Variants in KCNK3 observed in about 807,000 individuals in gnomAD.
KCNK3 encodes the protein potassium two pore domain channel subfamily K member 3.
Under a neutral mutation model 27.3 loss-of-function variants are expected in KCNK3, and 9 were observed. The ratio of observed to expected loss-of-function variants is 0.33; its 90% CI spans 0.20 to 0.57. The LOEUF (loss-of-function observed/expected upper bound fraction) is 0.57, where lower values mean the gene tolerates loss of function less well. KCNK3 is among the 20% of genes least tolerant of loss of function. The pLI is 0.87. For missense variants in KCNK3, 391 were observed against 577.7 expected, an observed-to-expected ratio of 0.68 and a Z score of 3.31; for synonymous variants, 278 against 273.8, an observed-to-expected ratio of 1.02 and a Z score of -0.15.
chr2:26,727,002 G>A (rs1179288594), intron 1 of KCNK3, among the ~76,000 whole-genome samples: 2 of 152,222 alleles, frequency 1.3e-5, no homozygotes, highest in African/African-American at 4.8e-5. Flanking sequence ...GGGGCAGGCA[G>A]TCTCCTTTCT....
At position 26,693,343 on chromosome 2, in the gene KCNK3, C is replaced by A. The variant is rs1670194586; in HGVS notation, c.283+185C>A. Among the ~76,000 whole-genome samples the A allele has an allele frequency of 6.6e-6, 1 of 152,214 alleles. No individual in the cohort carries two copies. The highest frequency in any genetic ancestry group is 2.4e-5 in the African/African-American group (1 of 41,470). ...TCCGCGGGGACGGAACTCGGGGAGG[C>A]GTCGATTCCTGGCTCCGGACCTGAC... On this transcript the variant is annotated intron_variant, in intron 1 of 1. Coordinates refer to ENST00000302909, the MANE Select transcript of KCNK3 (RefSeq NM_002246.3). This position sits in a 1 kb window ranked among gnomAD's most constrained non-coding sequence, Gnocchi z 5.5.
intron 1 of KCNK3, among the ~76,000 whole-genome samples, chr2:26,705,404 A>G (rs1670360119): frequency 6.6e-6 from 1 of 152,160 alleles, no homozygotes; most frequent in South Asian, 2.1e-4. Context: ...TGAGCCTCAT[A>G]TCAACCCCAA....
intron 1 of KCNK3, among the ~76,000 whole-genome samples, chr2:26,702,286 G>A (rs1445699692): frequency 2.0e-5 from 3 of 152,168 alleles, no homozygotes; most frequent in Admixed American, 1.3e-4. Context: ...GCTACAGTGT[G>A]GAATGCAGAT....
rs1399540941 is a variant in KCNK3, at chr2:26,733,136, T to C, written c.*4568T>C. On this transcript the variant is annotated 3_prime_UTR_variant, in exon 2 of 2. Transcript: ENST00000302909. ...AGATATATGTACAGCAAAACAAAAA[T>C]AGAAAACCAGCACAGCAGAGTGGAG... The C allele has an allele frequency of 6.6e-6, 1 of 151,960 alleles. No homozygotes were observed. Among genetic ancestry groups the C allele is most frequent in the Non-Finnish European group, 1.5e-5 (1 of 67,998 alleles). 9.4% of individuals were successfully genotyped at this position (151,960 alleles called of 1,614,324 possible).
chr2:26,724,019 G>T (rs1663368467), intron 1 of KCNK3, among the ~76,000 whole-genome samples: 1 of 152,224 alleles, frequency 6.6e-6, no homozygotes, highest in South Asian at 2.1e-4. Flanking sequence ...ATAAAGCCAA[G>T]CGCGACATGG....
chr2:26,692,841 G>A lies in KCNK3; in HGVS notation c.-35G>A, dbSNP rs1670186529. 1 of 1,170,122 alleles carries A rather than the reference G, an allele frequency of 8.5e-7. No homozygotes were observed. The highest frequency in any genetic ancestry group is 1.6e-5 in the African/African-American group (1 of 61,800). The allele number at this position is 1,170,122 out of a possible 1,614,324, so 72.5% of individuals were successfully genotyped here. Reference sequence around the variant, plus strand: ...GGCCGGGGCCGAGGCGCGGGCCGGGGGCGCCGGGGGGCCGGCGGCGGCCCG... The same window carrying A: ...GGCCGGGGCCGAGGCGCGGGCCGGGAGCGCCGGGGGGCCGGCGGCGGCCCG... On this transcript the variant is annotated 5_prime_UTR_variant, in exon 1 of 2. Coordinates refer to ENST00000302909, the MANE Select transcript of KCNK3 (RefSeq NM_002246.3). The surrounding 1 kb of genome is among the most constrained non-coding windows in gnomAD (Gnocchi z 5.6).
chr2:26,728,037 G>T lies in KCNK3; in HGVS notation c.654G>T (p.Pro218=), dbSNP rs34292597. The change falls in exon 2 of 2, where the codon CCG becomes CCT. Residue 218 remains proline, a synonymous_variant. Transcript: ENST00000302909. The part of the protein sequence containing the change: ...LQKDQALQTQ[P]QYVAFSFVYI... The stretch of plus-strand genomic sequence containing the variant: ...AGGACCAGGCCCTGCAGACGCAGCC[G>T]CAGTACGTGGCCTTCAGCTTCGTCT... The T allele has an allele frequency of 2.9e-3, 4,710 of 1,614,172 alleles. 132 individuals carry two copies. The African/African-American group carries it at 0.056, about 19-fold the overall frequency.
chr2:26,710,641 C>T (rs1485981375), intron 1 of KCNK3, among the ~76,000 whole-genome samples: 2 of 152,154 alleles, frequency 1.3e-5, no homozygotes, highest in African/African-American at 4.8e-5. Context: ...CCCTTCCCTA[C>T]CCTGGTCTCT....
In KCNK3 at chr2:26,707,866, C is replaced by G. The variant is rs1353601418; in HGVS notation, c.283+14708C>G. Reference sequence around the variant, plus strand: ...TGGGCAGTGGCGTGCCTCCACTACACAGCAGTCCAGTGACAAAGCAGTCCT... The same window carrying G: ...TGGGCAGTGGCGTGCCTCCACTACAGAGCAGTCCAGTGACAAAGCAGTCCT... On this transcript the variant is annotated intron_variant, in intron 1 of 1. Coordinates refer to ENST00000302909, the MANE Select transcript of KCNK3 (RefSeq NM_002246.3). Among the ~76,000 whole-genome samples the G allele has an allele frequency of 3.3e-5, 5 of 152,174 alleles. No homozygotes were observed. In the East Asian group the frequency reaches 9.6e-4, roughly 29 times the overall value.
intron 1 of KCNK3, among the ~76,000 whole-genome samples, chr2:26,697,740 C>G (rs1181614209): frequency 6.6e-6 from 1 of 152,100 alleles, no homozygotes; most frequent in Non-Finnish European, 1.5e-5. Flanking sequence ...GTGATTGATT[C>G]GCTGATGGGG....
chr2:26,694,886 G>C (rs1670215984), intron 1 of KCNK3, among the ~76,000 whole-genome samples: 1 of 151,910 alleles, frequency 6.6e-6, no homozygotes, highest in Admixed American at 6.6e-5. Flanking sequence ...CAGGCCCATG[G>C]TCCCCAGCTT....
At chr2:26,700,810 CTCTG>C (rs1003800854) in intron 1 of KCNK3, among the ~76,000 whole-genome samples, 91 of 152,228 alleles carry the variant, frequency 6.0e-4, no homozygotes, top group African/African-American at 2.1e-3. Context: ...CTCTCTCTCA[CTCTG>C]TCTGTCTCTT....
chr2:26,708,201 A>C (rs1271109911), intron 1 of KCNK3, among the ~76,000 whole-genome samples: 1 of 152,206 alleles, frequency 6.6e-6, no homozygotes, highest in African/African-American at 2.4e-5. Flanking sequence ...TAGAAGGCAG[A>C]GGTGGGAGAA....
chr2:26,713,703 GGTT>G (rs1272907240), intron 1 of KCNK3, among the ~76,000 whole-genome samples: 1 of 151,882 alleles, frequency 6.6e-6, no homozygotes, highest in Non-Finnish European at 1.5e-5. Flanking sequence ...AGGAGGCAGA[GGTT>G]GTAGTGAGCT....
intron 1 of KCNK3, among the ~76,000 whole-genome samples, chr2:26,718,959 T>C (rs997362699): frequency 2.0e-5 from 3 of 152,226 alleles, no homozygotes; most frequent in Non-Finnish European, 4.4e-5. Flanking sequence ...TAGAAAGCGT[T>C]GTCTCCTACT....
chr2:26,695,675 C>G (rs1026311716), intron 1 of KCNK3, among the ~76,000 whole-genome samples: 3 of 152,162 alleles, frequency 2.0e-5, no homozygotes, highest in African/African-American at 4.8e-5. Context: ...ACACAGAATG[C>G]TATTGATGGG....
In KCNK3 at chr2:26,693,886, T is replaced by A. The variant is rs1231382933; in HGVS notation, c.283+728T>A. Among the ~76,000 whole-genome samples, 1 of 151,936 alleles carries A rather than the reference T, an allele frequency of 6.6e-6. No individual in the cohort carries two copies. The highest frequency in any genetic ancestry group is 1.5e-5 in the Non-Finnish European group (1 of 67,970). On this transcript the variant is annotated intron_variant, in intron 1 of 1. Transcript: ENST00000302909. The surrounding 1 kb of genome is among the most constrained non-coding windows in gnomAD (Gnocchi z 5.5). ...TAGGAGGCCACACGTACACCCAGACTGTCAGACAACACAGGCATAGGCACA... is the reference window on the plus strand; with the variant it reads ...TAGGAGGCCACACGTACACCCAGACAGTCAGACAACACAGGCATAGGCACA...
Position 26,729,089 on chromosome 2 carries a change from T to G in KCNK3, c.*521T>G, listed in dbSNP as rs1663488425. ...CTCCCAACCTCCCTTCGTGTTGTTTTGCATGGCTTTGCAGTTATGGAGAAA... is the reference window on the plus strand; with the variant it reads ...CTCCCAACCTCCCTTCGTGTTGTTTGGCATGGCTTTGCAGTTATGGAGAAA... On this transcript the variant is annotated 3_prime_UTR_variant, in exon 2 of 2. Transcript: ENST00000302909. 1 of 152,888 alleles carries G rather than the reference T, an allele frequency of 6.5e-6. No homozygotes were observed. Among genetic ancestry groups the G allele is most frequent in the African/African-American group, 2.4e-5 (1 of 41,482 alleles). 9.5% of individuals were successfully genotyped at this position (152,888 alleles called of 1,614,324 possible). A position where few individuals can be genotyped will look rare whatever the true frequency, so the allele number is the denominator to read the frequency against.
rs1334219477 is a variant in KCNK3 at position 26,696,207 on chromosome 2, T to A, written c.283+3049T>A. On this transcript the variant is annotated intron_variant, in intron 1 of 1. Transcript: ENST00000302909. ...CACAATGCACTTGCATCTCTTGTCATGATTCTCAGTCTTCATGACTTGGTG... is the reference window on the plus strand; with the variant it reads ...CACAATGCACTTGCATCTCTTGTCAAGATTCTCAGTCTTCATGACTTGGTG... Among the ~76,000 whole-genome samples the A allele has an allele frequency of 2.0e-5, 3 of 152,260 alleles. No homozygotes were observed. The East Asian group carries it at 5.8e-4, about 29-fold the overall frequency.
Sources: gnomAD v4.1 joint callset for allele counts (sites outside exome capture counted in the v4.1 genomes callset) on GRCh38, gnomAD v4.1.1 for gene constraint, Gnocchi (gnomAD v3.1) non-coding constraint, MANE v1.5 for transcripts, NCBI Gene and HGNC (gene_info 2026-07-23, HGNC 2026-07-21) for gene names.